Variants in CSMD1 observed in about 807,000 individuals in gnomAD.
The protein encoded by CSMD1 is CUB and sushi domain-containing protein 1.
Under a neutral mutation model 417.5 loss-of-function variants are expected in CSMD1, and 213 were observed. The observed-to-expected ratio is 0.51, with a 90% confidence interval of 0.46 to 0.57. The LOEUF is 0.57. Ranked by LOEUF, CSMD1 falls within the 20% of genes least tolerant of loss-of-function variation. CSMD1 has a pLI of 0.00. For synonymous variants in CSMD1, 2,862 were observed against 1,736.8 expected (o/e 1.65, Z -16.11); for missense variants, 6,923 against 4,529.7 (o/e 1.53, Z -15.17).
chr8:3,106,222 C>CAAAA (rs71199537), intron 46 of CSMD1, among the ~76,000 whole-genome samples: 2 of 126,232 alleles, frequency 1.6e-5, no homozygotes, highest in Admixed American at 8.3e-5. Flanking sequence ...CCCATTTCTA[C>CAAAA]AAAAAAAAAA....
intron 3 of CSMD1, among the ~76,000 whole-genome samples, chr8:4,226,046 G>C (rs1801330964): frequency 6.7e-6 from 1 of 148,876 alleles, no homozygotes; most frequent in African/African-American, 2.5e-5. Flanking sequence ...AAGTAAGCTG[G>C]AAGGTTAGAG....
intron 2 of CSMD1, among the ~76,000 whole-genome samples, chr8:4,488,387 A>G (rs1219041823): frequency 6.6e-6 from 1 of 152,062 alleles, no homozygotes. Context: ...TAATCCTCAC[A>G]ATAACCTGTG....
At chr8:3,646,228 T>C (rs1797564023) in intron 7 of CSMD1, among the ~76,000 whole-genome samples, 1 of 152,230 alleles carries the variant, frequency 6.6e-6, no homozygotes, top group South Asian at 2.1e-4. Context: ...TTACAGCACA[T>C]GTACATAGAA....
intron 5 of CSMD1, among the ~76,000 whole-genome samples, chr8:3,856,115 T>G (rs1288196243): frequency 6.6e-6 from 1 of 152,138 alleles, no homozygotes; most frequent in Non-Finnish European, 1.5e-5. Context: ...TAATTCCCAG[T>G]GCTGGAGACG....
intron 3 of CSMD1, among the ~76,000 whole-genome samples, chr8:4,236,310 A>C (rs534000109): frequency 6.6e-6 from 1 of 152,188 alleles, no homozygotes; most frequent in South Asian, 2.1e-4. Flanking sequence ...AACGCAGGAA[A>C]CAGTATAGTA....
At chr8:3,674,917 T>G (rs1799293203) in intron 7 of CSMD1, among the ~76,000 whole-genome samples, 1 of 152,162 alleles carries the variant, frequency 6.6e-6, no homozygotes, top group Non-Finnish European at 1.5e-5. Context: ...GATAATGAAC[T>G]TATGCAACAC....
chr8:4,209,975 G>A (rs1049442241), intron 3 of CSMD1, among the ~76,000 whole-genome samples: 3 of 152,176 alleles, frequency 2.0e-5, no homozygotes, highest in Middle Eastern at 6.3e-3. Context: ...CACTGGAGGA[G>A]GTGTCTTATG....
chr8:3,137,592 G>A (rs897757689), intron 41 of CSMD1, among the ~76,000 whole-genome samples: 2 of 152,124 alleles, frequency 1.3e-5, no homozygotes, highest in African/African-American at 2.4e-5. Flanking sequence ...GTTACAGGAG[G>A]AATATAAAAT....
intron 10 of CSMD1, among the ~76,000 whole-genome samples, chr8:3,551,730 A>G (rs899406969): frequency 8.5e-5 from 13 of 152,162 alleles, no homozygotes; most frequent in Admixed American, 2.6e-4. Context: ...GTAGTCTGTC[A>G]TATCACTTGT....
At chr8:3,998,170 GTGT>G in intron 4 of CSMD1, 60 bp from the exon 5 acceptor site, 1 of 1,425,008 alleles carries the variant, frequency 7.0e-7, no homozygotes, top group Non-Finnish European at 9.6e-7. Context: ...ATACACGAGT[GTGT>G]CCACCAAGTG....
At chr8:4,042,815 TAAAAAA>T (rs60411612) in intron 3 of CSMD1, among the ~76,000 whole-genome samples, 714 of 41,308 alleles carry the variant, frequency 0.017, 34 homozygotes, top group African/African-American at 0.063. Context: ...TACAACATAT[TAAAAAA>T]AAAAAAAAAA....
At chr8:4,113,117 C>T (rs572712248) in intron 3 of CSMD1, among the ~76,000 whole-genome samples, 1 of 152,136 alleles carries the variant, frequency 6.6e-6, no homozygotes, top group African/African-American at 2.4e-5. Flanking sequence ...TGTGTTCTTA[C>T]TGTTCCACTC....
intron 4 of CSMD1, among the ~76,000 whole-genome samples, chr8:4,019,497 G>A (rs1004640959): frequency 1.3e-5 from 2 of 152,124 alleles, no homozygotes; most frequent in Non-Finnish European, 2.9e-5. Flanking sequence ...GGGGCCCATT[G>A]CATGAATGTG....
At chr8:4,930,693 G>A (rs549768324) in intron 1 of CSMD1, among the ~76,000 whole-genome samples, 6 of 152,220 alleles carry the variant, frequency 3.9e-5, no homozygotes, top group South Asian at 4.1e-4. Context: ...TGTTTAGGTC[G>A]TTTATATTGT....
intron 52 of CSMD1, among the ~76,000 whole-genome samples, chr8:3,006,809 C>T (rs1807946021): frequency 1.3e-5 from 2 of 150,134 alleles, no homozygotes; most frequent in South Asian, 4.2e-4. Context: ...AGACCTAAAA[C>T]CATAAAAACC....
At chr8:4,989,886 G>C (rs1036957612) in intron 1 of CSMD1, among the ~76,000 whole-genome samples, 4 of 152,168 alleles carry the variant, frequency 2.6e-5, no homozygotes, top group African/African-American at 7.2e-5. Context: ...TTTTAAAGCT[G>C]GGTTGGTGTT....
chr8:4,579,236 C>T (rs910781520), intron 2 of CSMD1, among the ~76,000 whole-genome samples: 7 of 151,210 alleles, frequency 4.6e-5, no homozygotes, highest in African/African-American at 9.7e-5. Context: ...CTCATGCCAA[C>T]GGCGAAGTTT....
intron 7 of CSMD1, among the ~76,000 whole-genome samples, chr8:3,637,272 C>G (rs954682215): frequency 9.2e-5 from 14 of 152,230 alleles, no homozygotes; most frequent in African/African-American, 3.1e-4. Flanking sequence ...GGTTGTCTCA[C>G]TTGCTAGTTG....
intron 54 of CSMD1, among the ~76,000 whole-genome samples, chr8:2,980,256 C>T (rs1160139428): frequency 4.6e-5 from 7 of 152,106 alleles, no homozygotes; most frequent in Non-Finnish European, 1.5e-5. Flanking sequence ...CTAAGGATGA[C>T]CGAGAGAAAC....
Sources: allele counts gnomAD v4.1 joint callset (sites outside exome capture counted in the v4.1 genomes callset), GRCh38; gene constraint gnomAD v4.1.1; transcripts MANE v1.5; gene names NCBI Gene and HGNC (gene_info 2026-07-23, HGNC 2026-07-21).